PRKCD: variants seen among roughly 807,000 people sequenced by gnomAD.
PRKCD encodes protein kinase C delta, also known as protein kinase C delta type.
In PRKCD, 20 loss-of-function variants were observed where a neutral mutation model predicts 82.2. The ratio of observed to expected loss-of-function variants is 0.24; its 90% confidence interval spans 0.17 to 0.35. The LOEUF (loss-of-function observed/expected upper bound fraction) is 0.35. Among genes scored for constraint, PRKCD ranks in the 10% least tolerant of loss-of-function variants. PRKCD has a pLI of 1.00. For synonymous variants in PRKCD, 317 were observed against 337.0 expected (o/e 0.94, Z 0.65); for missense variants, 607 against 899.0 (o/e 0.68, Z 4.15).
At chr3:53,180,974 T>C (rs1415539719) in intron 4 of PRKCD, among the ~76,000 whole-genome samples, 1 of 150,828 alleles carries the variant, frequency 6.6e-6, no homozygotes, top group African/African-American at 2.5e-5. Flanking sequence ...GGGTGTGGGC[T>C]GGACCCTTTC....
chr3:53,177,417 C>T (rs1703248970), intron 2 of PRKCD, among the ~76,000 whole-genome samples: 1 of 152,222 alleles, frequency 6.6e-6, no homozygotes, highest in Non-Finnish European at 1.5e-5. Flanking sequence ...CCTCTCACTG[C>T]CCTGATCCCT....
intron 15 of PRKCD, among the ~76,000 whole-genome samples, chr3:53,187,895 G>A (rs1433437081): frequency 6.6e-6 from 1 of 152,098 alleles, no homozygotes; most frequent in African/African-American, 2.4e-5. Context: ...CCTTTAAAAC[G>A]TGGGAGGGAG....
intron 16 of PRKCD, 90 bp downstream of exon 16, chr3:53,188,948 C>T: frequency 1.3e-6 from 2 of 1,587,228 alleles, no homozygotes; most frequent in Non-Finnish European, 1.7e-6. Flanking sequence ...GCAGTGATGT[C>T]CAAGCCAAAG....
At chr3:53,173,891 C>T (rs1703128348) in intron 2 of PRKCD, among the ~76,000 whole-genome samples, 1 of 152,166 alleles carries the variant, frequency 6.6e-6, no homozygotes, top group Admixed American at 6.5e-5. Flanking sequence ...CCTGTTTTCT[C>T]TGTCTTCATG....
chr3:53,180,864 G>A (rs1703411072), intron 4 of PRKCD, among the ~76,000 whole-genome samples: 1 of 152,176 alleles, frequency 6.6e-6, no homozygotes, highest in South Asian at 2.1e-4. Flanking sequence ...TGTGCACACG[G>A]GTAGGGGCCT....
chr3:53,191,129 G>A (rs1164997875), intron 18 of PRKCD, among the ~76,000 whole-genome samples: 1 of 152,174 alleles, frequency 6.6e-6, no homozygotes, highest in Non-Finnish European at 1.5e-5. Context: ...TATAAGTTCA[G>A]GCCGGGCACA....
chr3:53,186,519 C>T, intron 13 of PRKCD, 85 bp from the exon 14 acceptor site: 2 of 1,414,498 alleles, frequency 1.4e-6, no homozygotes, highest in Admixed American at 3.7e-5. Flanking sequence ...CCTGCTGTTT[C>T]CTGTTGGGGC....
chr3:53,185,866 C>T (rs563867758), intron 11 of PRKCD, 61 bp from the exon 12 acceptor site: 13 of 1,580,856 alleles, frequency 8.2e-6, no homozygotes, highest in East Asian at 2.2e-5. Context: ...CCCCAGGCCC[C>T]GGGGGAGGGG....
At chr3:53,173,903 G>T (rs1218776631) in intron 2 of PRKCD, among the ~76,000 whole-genome samples, 1 of 152,158 alleles carries the variant, frequency 6.6e-6, no homozygotes, top group East Asian at 1.9e-4. Context: ...GTCTTCATGT[G>T]TGTTTGTGTG....
intron 2 of PRKCD, among the ~76,000 whole-genome samples, chr3:53,167,598 G>A (rs576008672): frequency 3.9e-5 from 6 of 152,324 alleles, no homozygotes; most frequent in African/African-American, 1.2e-4. Context: ...GAGGTTGTGC[G>A]GAAATGACAG....
Position 53,189,086 on chromosome 3 carries a change from C to T in PRKCD, c.1583C>T (p.Ser528Phe). The change falls in exon 17 of 19, where the codon TCT (serine) becomes TTT (phenylalanine). Residue 528 changes from serine to phenylalanine, a missense_variant. Ser to Phe is a radical substitution (Grantham distance 155). This residue lies in a region of PRKCD where 251 missense variants were observed against 423.9 expected (regional missense o/e 0.59). Transcript: ENST00000330452. ...EILQGLKYTF[S>F]VDWWSFGVLL... ...CTACAGGGCCTGAAGTACACATTCT[C>T]TGTGGACTGGTGGTCTTTCGGGGTC... 1 of 1,613,944 alleles carries T rather than the reference C, an allele frequency of 6.2e-7. No individual in the cohort carries two copies. The highest frequency in any genetic ancestry group is 8.5e-7 in the Non-Finnish European group (1 of 1,179,878).
intron 3 of PRKCD, 158 bp from the exon 4 acceptor site, chr3:53,179,419 G>C: frequency 5.6e-6 from 5 of 895,370 alleles, no homozygotes; most frequent in Non-Finnish European, 9.3e-6. Flanking sequence ...CTAGCAGGGT[G>C]CCCAAGGTAG....
chr3:53,188,546 A>G (rs1703798959), intron 15 of PRKCD, among the ~76,000 whole-genome samples, 174 bp from the exon 16 acceptor site: 1 of 152,188 alleles, frequency 6.6e-6, no homozygotes, highest in Admixed American at 6.5e-5. Flanking sequence ...GGGACTTGCA[A>G]GAAGCACCTG....
chr3:53,180,284 T>A (rs574503085), intron 4 of PRKCD, among the ~76,000 whole-genome samples: 1 of 152,370 alleles, frequency 6.6e-6, no homozygotes, highest in African/African-American at 2.4e-5. Context: ...CAGTTCTTTT[T>A]GGAATCTTCG....
intron 2 of PRKCD, among the ~76,000 whole-genome samples, chr3:53,175,547 A>G (rs1703187431): frequency 1.3e-5 from 2 of 152,186 alleles, no homozygotes; most frequent in Admixed American, 6.5e-5. Context: ...CGTTGGTGTC[A>G]GGATGCAGCA....
At chr3:53,164,918 G>A (rs1553663601) in intron 1 of PRKCD, among the ~76,000 whole-genome samples, 186 bp from the exon 2 acceptor site, 1 of 152,164 alleles carries the variant, frequency 6.6e-6, no homozygotes, top group Non-Finnish European at 1.5e-5. Context: ...TGGACAAATA[G>A]TGGTGCCCAG....
In PRKCD at chr3:53,192,413, A is replaced by C; in HGVS notation, c.*147A>C. 1 of 852,032 alleles carries C rather than the reference A, an allele frequency of 1.2e-6. No homozygotes were observed. Among genetic ancestry groups the C allele is most frequent in the Non-Finnish European group, 1.8e-6 (1 of 540,874 alleles). 52.8% of individuals were successfully genotyped at this position (852,032 alleles called of 1,614,324 possible). On this transcript the variant is annotated 3_prime_UTR_variant, in exon 19 of 19. Coordinates refer to ENST00000330452, the MANE Select transcript of PRKCD (RefSeq NM_006254.4). ...TTGGCTGCCGTCTGGCCGGGCTCTC[A>C]TGGTACTTCCTCTGTGAACTGTGTG... is the stretch of plus-strand genomic sequence containing the variant.
rs1702955550 is a variant in PRKCD, at chr3:53,169,737, C to T, written c.-20+4522C>T. ...GCTGGCCAGCCTCTGCCAGTGGACT[C>T]ATGCTGCCTGCTTCAGCCCAGTTCT... is the stretch of plus-strand genomic sequence containing the variant. On this transcript the variant is annotated intron_variant, in intron 2 of 18. Transcript: ENST00000330452. The surrounding 1 kb of genome is among the most constrained non-coding windows in gnomAD (Gnocchi z 4.7). 6.6e-6 allele frequency among the ~76,000 whole-genome samples: 1 copy of T among 152,200 alleles called. No individual in the cohort carries two copies. The highest frequency in any genetic ancestry group is 2.1e-4 in the South Asian group (1 of 4,836).
In PRKCD at chr3:53,183,158, G is replaced by A. The variant is rs1553668124; in HGVS notation, c.609G>A (p.Lys203=). The part of the protein sequence containing the change: ...NAAIHKKCID[K]IIGRCTGTAA... ...CCATCCACAAGAAATGCATCGACAA[G>A]ATCATCGGCAGATGCACTGGCACCG... is the stretch of plus-strand genomic sequence containing the variant. Residue 203 remains lysine (K), a synonymous_variant, in exon 8 of 19, where the codon AAG becomes AAA. Transcript: ENST00000330452. 2 of 1,614,230 alleles carry A rather than the reference G, an allele frequency of 1.2e-6. No individual in the cohort carries two copies. The highest frequency in any genetic ancestry group is 4.5e-5 in the East Asian group (2 of 44,882).
Sources: allele counts gnomAD v4.1 joint callset (sites outside exome capture counted in the v4.1 genomes callset), GRCh38; gene constraint gnomAD v4.1.1; regional missense constraint gnomAD v4.1.1; non-coding constraint Gnocchi (gnomAD v3.1); transcripts MANE v1.5; gene names NCBI Gene and HGNC (gene_info 2026-07-23, HGNC 2026-07-21).